Variants in DLGAP1 observed in about 807,000 individuals in gnomAD.
DLGAP1 encodes disks large-associated protein 1.
A neutral mutation model predicts 90.8 loss-of-function variants in DLGAP1; 11 were observed. That is an observed-to-expected ratio of 0.12 (90% CI 0.08 to 0.20). DLGAP1 has a LOEUF of 0.20. Among genes scored for constraint, DLGAP1 ranks in the 10% least tolerant of loss-of-function variants. The pLI, the probability that DLGAP1 is intolerant of heterozygous loss-of-function variation, is 1.00. For synonymous variants in DLGAP1, 558 were observed against 540.7 expected (o/e 1.03, Z -0.44); for missense variants, 1,050 against 1,333.8 (o/e 0.79, Z 3.31).
At chr18:3,635,418 C>CGTGAG (rs1453761106) in intron 7 of DLGAP1, among the ~76,000 whole-genome samples, 1 of 151,548 alleles carries the variant, frequency 6.6e-6, no homozygotes. Flanking sequence ...GGATTACAGG[C>CGTGAG]GTGAGCCACC....
chr18:3,939,211 G>A lies in DLGAP1; in HGVS notation c.-72-59071C>T, dbSNP rs185334519. The stretch of plus-strand genomic sequence containing the variant: ...AGGTGGGTGGATCACTTGAGGTCAG[G>A]AGTTCGAGACCAGCCTGGCCAACAT... On this transcript the variant is annotated intron_variant, in intron 3 of 12. Coordinates refer to ENST00000315677, the MANE Select transcript of DLGAP1 (RefSeq NM_004746.4). 9.2e-5 allele frequency among the ~76,000 whole-genome samples: 14 copies of A among 152,018 alleles called. No homozygotes were observed. In the South Asian group the frequency reaches 2.5e-3, roughly 27 times the overall value.
At chr18:4,203,727 A>G (rs956337060) in intron 1 of DLGAP1, among the ~76,000 whole-genome samples, 1 of 152,174 alleles carries the variant, frequency 6.6e-6, no homozygotes, top group African/African-American at 2.4e-5. Flanking sequence ...GGGGAACACA[A>G]TGATGACTAA....
intron 1 of DLGAP1, among the ~76,000 whole-genome samples, chr18:4,228,296 G>A (rs984457124): frequency 6.6e-6 from 1 of 151,738 alleles, no homozygotes. Flanking sequence ...TACTCAAACT[G>A]TTCTAAAAAA....
At chr18:4,385,589 G>C (rs534904563) in intron 1 of DLGAP1, among the ~76,000 whole-genome samples, 1 of 151,984 alleles carries the variant, frequency 6.6e-6, no homozygotes, top group Non-Finnish European at 1.5e-5. Flanking sequence ...TAAAACAAGC[G>C]CCATGGGAAT....
In DLGAP1 at chr18:3,498,449, G is replaced by A. The variant is rs1248750381; in HGVS notation, c.*736C>T. ...AATAGATTAATTTCCCTGAAAGATC[G>A]AATTTACAATCTTCTGCTGATTGAG... On this transcript the variant is annotated 3_prime_UTR_variant, in exon 13 of 13. Transcript: ENST00000315677. The A allele has an allele frequency of 6.6e-6, 1 of 152,164 alleles. No homozygotes were observed. Among genetic ancestry groups the A allele is most frequent in the Non-Finnish European group, 1.5e-5 (1 of 68,030 alleles). 9.4% of individuals were successfully genotyped at this position (152,164 alleles called of 1,614,324 possible).
chr18:4,076,121 A>G (rs2075519911), intron 2 of DLGAP1, among the ~76,000 whole-genome samples: 1 of 152,102 alleles, frequency 6.6e-6, no homozygotes, highest in East Asian at 1.9e-4. Context: ...GAGAGCTGAA[A>G]CTTCATTTAT....
intron 5 of DLGAP1, chr18:3,774,238 G>T (rs780528067): frequency 2.0e-5 from 3 of 152,192 alleles, no homozygotes; most frequent in African/African-American, 7.2e-5. Context: ...TTCAACCTGG[G>T]TCTGCCAGGT....
At chr18:3,934,538 G>A (rs769696399) in intron 3 of DLGAP1, among the ~76,000 whole-genome samples, 8 of 152,030 alleles carry the variant, frequency 5.3e-5, no homozygotes, top group Non-Finnish European at 1.0e-4. Flanking sequence ...AGAATAATAC[G>A]TATTATAGGG....
chr18:4,086,970 A>T (rs1334710227), intron 2 of DLGAP1, among the ~76,000 whole-genome samples: 1 of 150,548 alleles, frequency 6.6e-6, no homozygotes, highest in Non-Finnish European at 1.5e-5. Flanking sequence ...ACACATCATT[A>T]TTTAATACTC....
At chr18:3,751,702 G>A (rs1222924458) in intron 5 of DLGAP1, among the ~76,000 whole-genome samples, 3 of 151,344 alleles carry the variant, frequency 2.0e-5, no homozygotes, top group Non-Finnish European at 4.4e-5. Flanking sequence ...GGGACTAGAG[G>A]TGTGCGCGTG....
chr18:3,953,984 G>A (rs954356241), intron 3 of DLGAP1, among the ~76,000 whole-genome samples: 1 of 152,098 alleles, frequency 6.6e-6, no homozygotes, highest in African/African-American at 2.4e-5. Flanking sequence ...CATCACCATC[G>A]GATTGTCCTG....
chr18:4,056,140 G>T (rs1307493168), intron 2 of DLGAP1, among the ~76,000 whole-genome samples: 2 of 152,132 alleles, frequency 1.3e-5, no homozygotes, highest in Non-Finnish European at 2.9e-5. Context: ...GGTTATCTAT[G>T]GGGAAGGGGG....
chr18:3,632,014 A>T (rs1044797494), intron 7 of DLGAP1, among the ~76,000 whole-genome samples: 1 of 152,028 alleles, frequency 6.6e-6, no homozygotes, highest in Non-Finnish European at 1.5e-5. Context: ...GGCTCAAGTG[A>T]TCCTCCCACC....
chr18:4,246,629 C>A (rs1598717432), intron 1 of DLGAP1, among the ~76,000 whole-genome samples: 2 of 152,282 alleles, frequency 1.3e-5, no homozygotes, highest in East Asian at 3.9e-4. Flanking sequence ...TCCCCACACA[C>A]CCACCCTCTA....
At chr18:4,267,251 T>C (rs1168188337) in intron 1 of DLGAP1, among the ~76,000 whole-genome samples, 1 of 152,120 alleles carries the variant, frequency 6.6e-6, no homozygotes, top group Non-Finnish European at 1.5e-5. Flanking sequence ...GCTGTCTTAA[T>C]ACTGTGATTA....
At chr18:4,173,121 A>AAT (rs2077050709) in intron 1 of DLGAP1, among the ~76,000 whole-genome samples, 1 of 152,238 alleles carries the variant, frequency 6.6e-6, no homozygotes, top group Non-Finnish European at 1.5e-5. Context: ...TCTAAAAGGA[A>AAT]ATATATTGAT....
At chr18:3,769,190 A>G (rs764059070) in intron 5 of DLGAP1, among the ~76,000 whole-genome samples, 1 of 152,170 alleles carries the variant, frequency 6.6e-6, no homozygotes, top group Non-Finnish European at 1.5e-5. Context: ...TAAATTCACA[A>G]TAAGATAGTA....
At chr18:3,541,488 T>C (rs1193718343) in intron 9 of DLGAP1, among the ~76,000 whole-genome samples, 1 of 152,146 alleles carries the variant, frequency 6.6e-6, no homozygotes, top group Non-Finnish European at 1.5e-5. Flanking sequence ...CAAGGGTGGG[T>C]ACTGGGCTGT....
intron 2 of DLGAP1, among the ~76,000 whole-genome samples, chr18:4,015,583 C>G (rs2074508556): frequency 6.6e-6 from 1 of 152,118 alleles, no homozygotes; most frequent in African/African-American, 2.4e-5. Flanking sequence ...AAAAGTTTCC[C>G]ATGACACCTG....
Sources: gnomAD v4.1 joint callset for allele counts (sites outside exome capture counted in the v4.1 genomes callset) on GRCh38, gnomAD v4.1.1 for gene constraint, MANE v1.5 for transcripts, NCBI Gene and HGNC (gene_info 2026-07-23, HGNC 2026-07-21) for gene names.